ZNF735: variants seen among roughly 807,000 people sequenced by gnomAD.
ZNF735 encodes the protein putative zinc finger protein 735.
A neutral mutation model predicts 13.4 loss-of-function variants in ZNF735; 11 were observed. The observed-to-expected ratio is 0.82, with a 90% CI of 0.52 to 1.36. The LOEUF (loss-of-function observed/expected upper bound fraction) is 1.36. Among genes scored for constraint, ZNF735 ranks in the 40% most tolerant of loss-of-function variants. The pLI is 0.00. For synonymous variants in ZNF735, 171 were observed against 162.6 expected, an observed-to-expected ratio of 1.05 and a Z score of -0.39; for missense variants, 500 against 484.6, an observed-to-expected ratio of 1.03 and a Z score of -0.30.
intron 3 of ZNF735, among the ~76,000 whole-genome samples, chr7:64,217,566 A>AT (rs2116487697): frequency 6.6e-6 from 1 of 151,448 alleles, no homozygotes; most frequent in African/African-American, 2.4e-5. Context: ...TTCTTGCTTC[A>AT]TTTTTGTCAA....
At chr7:64,211,698 T>C (rs1003042823) in intron 1 of ZNF735, among the ~76,000 whole-genome samples, 18 of 151,746 alleles carry the variant, frequency 1.2e-4, no homozygotes, top group African/African-American at 4.1e-4. Context: ...ACCCTGTCTC[T>C]ACTAAAAAAA....
intron 1 of ZNF735, among the ~76,000 whole-genome samples, chr7:64,210,780 C>G (rs575156814): frequency 1.3e-5 from 2 of 152,234 alleles, no homozygotes; most frequent in African/African-American, 2.4e-5. Flanking sequence ...CAATTATACA[C>G]AACAAAAATG....
At chr7:64,207,472 G>A (rs113503437) in intron 1 of ZNF735, among the ~76,000 whole-genome samples, 119 of 152,300 alleles carry the variant, frequency 7.8e-4, no homozygotes, top group African/African-American at 2.6e-3. Flanking sequence ...TTTGCCCTGG[G>A]CTGGAGCCCT....
chr7:64,212,061 C>T (rs866490770), intron 1 of ZNF735, among the ~76,000 whole-genome samples: 28 of 152,062 alleles, frequency 1.8e-4, no homozygotes, highest in Non-Finnish European at 3.5e-4. Flanking sequence ...ATCTCTATGA[C>T]ATTTTTTCCA....
At chr7:64,218,229 G>C (rs533619860) in intron 3 of ZNF735, among the ~76,000 whole-genome samples, 149 of 150,038 alleles carry the variant, frequency 9.9e-4, no homozygotes, top group African/African-American at 3.5e-3. Flanking sequence ...TCAGCACTTT[G>C]ACCATTTTAC....
intron 1 of ZNF735, among the ~76,000 whole-genome samples, chr7:64,210,301 T>A (rs1490099018): frequency 1.3e-5 from 2 of 152,218 alleles, no homozygotes; most frequent in Non-Finnish European, 2.9e-5. Flanking sequence ...AATATAGCAT[T>A]TCAGCATGGT....
chr7:64,219,052 T>C (rs1437903316), intron 3 of ZNF735, among the ~76,000 whole-genome samples: 1 of 152,186 alleles, frequency 6.6e-6, no homozygotes, highest in African/African-American at 2.4e-5. Context: ...GTTGGGTAAA[T>C]GTAGCAGACT....
chr7:64,217,586 T>C (rs1354241969), intron 3 of ZNF735, among the ~76,000 whole-genome samples: 1 of 152,128 alleles, frequency 6.6e-6, no homozygotes, highest in Admixed American at 6.5e-5. Flanking sequence ...ATATTTGCTT[T>C]ATATATTTTG....
chr7:64,212,791 G>GAAA (rs397733091), intron 1 of ZNF735, among the ~76,000 whole-genome samples: 1 of 125,562 alleles, frequency 8.0e-6, no homozygotes, highest in Non-Finnish European at 1.7e-5. Context: ...ACTTGGTAAA[G>GAAA]AAAAAAAAAA....
chr7:64,212,401 A>G (rs958322173), intron 1 of ZNF735, among the ~76,000 whole-genome samples: 8 of 152,364 alleles, frequency 5.3e-5, no homozygotes, highest in African/African-American at 1.7e-4. Flanking sequence ...TTTATTGCAC[A>G]TATTTAGACT....
rs115498761 is a variant in ZNF735 at position 64,218,072 on chromosome 7, T to C, written c.263-1242T>C. The stretch of plus-strand genomic sequence containing the variant: ...TCTTTTTTCATTATATTATTTGAAG[T>C]GGAAAGACCTCTTTTCAGCATTTTA... On this transcript the variant is annotated intron_variant, in intron 3 of 3. Coordinates refer to ENST00000429565, the Ensembl canonical transcript of ZNF735. 2.8e-3 allele frequency among the ~76,000 whole-genome samples: 425 copies of C among 152,292 alleles called. 1 individual carries two copies. The highest frequency in any genetic ancestry group is 9.5e-3 in the African/African-American group (395 of 41,586).
chr7:64,214,953 T>C (rs1404607193), intron 3 of ZNF735, among the ~76,000 whole-genome samples: 1 of 152,152 alleles, frequency 6.6e-6, no homozygotes, highest in Non-Finnish European at 1.5e-5. Context: ...ATTGTTATTT[T>C]ATTTTGCATT....
exon 4 of ZNF735, chr7:64,219,639 G>T (rs780636867): frequency 4.0e-5 from 63 of 1,580,080 alleles, no homozygotes; most frequent in Non-Finnish European, 5.1e-5. Flanking sequence ...CATTTTGCAT[G>T]TTTTCACACC....
At chr7:64,215,633 AT>A (rs918996982) in intron 3 of ZNF735, among the ~76,000 whole-genome samples, 13 of 146,166 alleles carry the variant, frequency 8.9e-5, no homozygotes, top group African/African-American at 3.3e-4. Flanking sequence ...TTTCCACTAT[AT>A]TTTTTTCTAA....
At chr7:64,207,458 T>C (rs370388795) in intron 1 of ZNF735, among the ~76,000 whole-genome samples, 1 of 152,194 alleles carries the variant, frequency 6.6e-6, no homozygotes, top group African/African-American at 2.4e-5. Context: ...TCCTCTGCAG[T>C]GGCTTTGCCC....
chr7:64,208,208 C>T (rs1335118284), intron 1 of ZNF735, among the ~76,000 whole-genome samples: 1 of 145,134 alleles, frequency 6.9e-6, no homozygotes, highest in Non-Finnish European at 1.5e-5. Flanking sequence ...TGCCTAGGCC[C>T]GAATATTTTC....
At chr7:64,208,760 C>T (rs2116475850) in intron 1 of ZNF735, among the ~76,000 whole-genome samples, 1 of 152,258 alleles carries the variant, frequency 6.6e-6, no homozygotes, top group Non-Finnish European at 1.5e-5. Flanking sequence ...CTGTTGTTCT[C>T]TTATTTGCAT....
exon 3 of ZNF735, chr7:64,214,029 G>A (rs1690267577): frequency 6.3e-7 from 1 of 1,598,770 alleles, no homozygotes; most frequent in Non-Finnish European, 8.5e-7. Flanking sequence ...CTGTCTCTAA[G>A]CCAGACTTGA....
intron 3 of ZNF735, among the ~76,000 whole-genome samples, chr7:64,216,288 T>G (rs1472421033): frequency 7.0e-6 from 1 of 142,022 alleles, no homozygotes; most frequent in South Asian, 2.2e-4. Context: ...AGAGTGAGAC[T>G]CCATCTCAAA....
Sources: allele counts gnomAD v4.1 joint callset (sites outside exome capture counted in the v4.1 genomes callset), GRCh38; gene constraint gnomAD v4.1.1; transcripts MANE v1.5; gene names NCBI Gene and HGNC (gene_info 2026-07-23, HGNC 2026-07-21).